PCDH11X: variants seen among roughly 807,000 people sequenced by gnomAD.
PCDH11X encodes the protein protocadherin 11 X-linked, also known as protocadherin-11 X-linked.
In PCDH11X, 18 loss-of-function variants were observed where a neutral mutation model predicts 53.3. That is an observed-to-expected ratio of 0.34 (90% CI 0.23 to 0.50). PCDH11X has a LOEUF of 0.50. PCDH11X is among the 20% of genes least tolerant of loss of function. The pLI, the probability that PCDH11X is intolerant of heterozygous loss-of-function variation, is 0.98. For missense variants in PCDH11X, 570 were observed against 1,032.4 expected (o/e 0.55, Z 6.14); for synonymous variants, 279 against 393.3 (o/e 0.71, Z 3.44).
At chrX:92,210,509 G>C (rs983490253) in intron 7 of PCDH11X, among the ~76,000 whole-genome samples, 4 of 110,356 alleles carry the variant, frequency 3.6e-5, no homozygotes, top group African/African-American at 1.3e-4. Context: ...AAAGTGCTGG[G>C]ATTACAGGCA....
intron 7 of PCDH11X, among the ~76,000 whole-genome samples, chrX:92,216,509 A>G (rs1426083096): frequency 1.9e-5 from 2 of 107,560 alleles, no homozygotes; most frequent in African/African-American, 6.8e-5. Context: ...AGAAAAAAGA[A>G]TAAAAAAAAA....
At chrX:92,343,669 T>C (rs2069819722) in intron 8 of PCDH11X, among the ~76,000 whole-genome samples, 1 of 112,022 alleles carries the variant, frequency 8.9e-6, no homozygotes, top group Middle Eastern at 4.3e-3. Flanking sequence ...AAATTTTCAG[T>C]CTGTATTTCA....
intron 8 of PCDH11X, among the ~76,000 whole-genome samples, chrX:92,301,697 T>C (rs1283893080): frequency 1.8e-5 from 2 of 109,979 alleles, no homozygotes; most frequent in Non-Finnish European, 3.8e-5. Context: ...AGAATCTGTG[T>C]GTTTACATTC....
chrX:92,572,841 G>A (rs1347042672), intron 10 of PCDH11X, among the ~76,000 whole-genome samples: 1 of 103,123 alleles, frequency 9.7e-6, no homozygotes, highest in African/African-American at 3.6e-5. Context: ...CCGAGATCAC[G>A]GCACTGCACT....
At chrX:92,195,346 C>G (rs1298725349) in intron 6 of PCDH11X, among the ~76,000 whole-genome samples, 25 of 111,588 alleles carry the variant, frequency 2.2e-4, no homozygotes. Context: ...GATTTTTCCA[C>G]CTGGTGATTT....
rs752434780 is a variant in PCDH11X, at chrX:92,592,354, C to T, written c.3368-25910C>T. Reference sequence around the variant, plus strand: ...ATCTTGTAAAAATCACTTACCATTTCTTTGGAGACGCCTCGTGTGCCTGTT... The same window carrying T: ...ATCTTGTAAAAATCACTTACCATTTTTTTGGAGACGCCTCGTGTGCCTGTT... On this transcript the variant is annotated intron_variant, in intron 10 of 10. Transcript: ENST00000682573. Among the ~76,000 whole-genome samples the T allele has an allele frequency of 3.8e-5, 4 of 106,554 alleles. No individual in the cohort carries two copies. The East Asian group carries it at 1.2e-3, about 32-fold the overall frequency. The allele number at this position is 106,554 out of a possible 115,157, so 92.5% of individuals were successfully genotyped here.
intron 1 of PCDH11X, among the ~76,000 whole-genome samples, chrX:91,792,241 A>G (rs188342238): frequency 1.8e-3 from 198 of 111,960 alleles, no homozygotes; most frequent in Non-Finnish European, 2.0e-3. Flanking sequence ...CAAAAATCAG[A>G]CTATCTCAGA....
chrX:92,432,668 G>A (rs1395358520), intron 9 of PCDH11X, among the ~76,000 whole-genome samples: 1 of 108,324 alleles, frequency 9.2e-6, no homozygotes, highest in Non-Finnish European at 1.9e-5. Context: ...GGGAGGGAGG[G>A]TAGATATTTA....
intron 6 of PCDH11X, among the ~76,000 whole-genome samples, chrX:92,189,334 T>A (rs2066152201): frequency 9.0e-6 from 1 of 111,574 alleles, no homozygotes; most frequent in Non-Finnish European, 1.9e-5. Context: ...CCTGCATAAG[T>A]TTGGTGAGGA....
At chrX:92,055,680 AT>A (rs113406211) in intron 6 of PCDH11X, among the ~76,000 whole-genome samples, 9,460 of 110,120 alleles carry the variant, frequency 0.086, 888 homozygotes, top group African/African-American at 0.27. Context: ...CCTAGTAGCC[AT>A]TTTTCCTGAT....
intron 8 of PCDH11X, among the ~76,000 whole-genome samples, chrX:92,350,901 G>A (rs915408241): frequency 9.0e-6 from 1 of 111,404 alleles, no homozygotes; most frequent in Non-Finnish European, 1.9e-5. Context: ...TTTCACCCAC[G>A]TAACTCATTA....
At chrX:92,453,663 A>C (rs761627035) in intron 9 of PCDH11X, among the ~76,000 whole-genome samples, 15 of 110,654 alleles carry the variant, frequency 1.4e-4, no homozygotes, top group South Asian at 3.8e-4. Flanking sequence ...TTTTTCAATA[A>C]TTTTTTCTGC....
intron 3 of PCDH11X, 134 bp from the exon 4 acceptor site, chrX:91,811,103 T>C: frequency 1.1e-5 from 6 of 540,636 alleles, no homozygotes; most frequent in Non-Finnish European, 1.1e-5. Context: ...GAACCTCCTA[T>C]CTAGTGCAGC....
intron 5 of PCDH11X, among the ~76,000 whole-genome samples, chrX:91,870,537 T>A (rs1366162739): frequency 1.8e-5 from 2 of 110,220 alleles, no homozygotes; most frequent in Non-Finnish European, 3.8e-5. Flanking sequence ...ATGACAGAAA[T>A]TCCTATTCTT....
At position 92,383,323 on chromosome X, in the gene PCDH11X, T is replaced by TGTG. The variant is rs34394049; in HGVS notation, c.3145-4412_3145-4411insGTG. On this transcript the variant is annotated intron_variant, in intron 8 of 10. Transcript: ENST00000682573. ...CATTCTTAAAACTGTAGATAAATGTTTTTTTTTTTTTTTTTAATTATACTT... is the reference window on the plus strand; with the variant it reads ...CATTCTTAAAACTGTAGATAAATGTTGTGTTTTTTTTTTTTTTTAATTATACTT... Among the ~76,000 whole-genome samples, 299 of 66,377 alleles carry TGTG rather than the reference T, an allele frequency of 4.5e-3. 1 individual carries two copies. Among genetic ancestry groups the TGTG allele is most frequent in the Middle Eastern group, 0.017 (2 of 120 alleles). 57.6% of individuals were successfully genotyped at this position (66,377 alleles called of 115,157 possible).
At chrX:91,787,657 T>C (rs1017543806) in intron 1 of PCDH11X, among the ~76,000 whole-genome samples, 2 of 111,063 alleles carry the variant, frequency 1.8e-5, no homozygotes, top group Admixed American at 1.9e-4. Context: ...GGACATTCTT[T>C]CCTTGTCCCT....
chrX:91,936,461 C>G (rs1240944788), intron 6 of PCDH11X, among the ~76,000 whole-genome samples: 1 of 108,785 alleles, frequency 9.2e-6, no homozygotes, highest in African/African-American at 3.3e-5. Flanking sequence ...ATCTCAAACC[C>G]TTACAACTTA....
chrX:92,413,660 G>A (rs957286735), intron 9 of PCDH11X, among the ~76,000 whole-genome samples: 6 of 109,370 alleles, frequency 5.5e-5, no homozygotes, highest in African/African-American at 1.7e-4. Flanking sequence ...ATTGCAGCCT[G>A]CAGAGTGGCC....
chrX:92,458,695 G>A (rs1238981776), intron 9 of PCDH11X, among the ~76,000 whole-genome samples: 1 of 110,234 alleles, frequency 9.1e-6, no homozygotes, highest in African/African-American at 3.3e-5. Flanking sequence ...ACATGTTGTT[G>A]CAAATGACAG....
Sources: allele counts gnomAD v4.1 joint callset (sites outside exome capture counted in the v4.1 genomes callset), GRCh38; gene constraint gnomAD v4.1.1; transcripts MANE v1.5; gene names NCBI Gene and HGNC (gene_info 2026-07-23, HGNC 2026-07-21).